Variants in MBOAT1 observed in about 807,000 individuals in gnomAD.
MBOAT1 encodes the protein membrane bound glycerophospholipid O-acyltransferase 1.
In MBOAT1, 67 loss-of-function variants were observed where a neutral mutation model predicts 64.4. The ratio of observed to expected loss-of-function variants is 1.04; its 90% CI spans 0.85 to 1.27. MBOAT1 has a LOEUF of 1.27. Ranked by LOEUF, MBOAT1 falls within the 50% of genes most tolerant of loss-of-function variation. The pLI is 0.00. For synonymous variants in MBOAT1, 229 were observed against 218.9 expected, an observed-to-expected ratio of 1.05 and a Z score of -0.41; for missense variants, 563 against 604.6, an observed-to-expected ratio of 0.93 and a Z score of 0.72.
At chr6:20,191,959 A>G (rs1536578) in intron 1 of MBOAT1, among the ~76,000 whole-genome samples, 72,539 of 151,994 alleles carry the variant, frequency 0.48, 18,836 homozygotes, top group Non-Finnish European at 0.57. Flanking sequence ...AGAGACAGAA[A>G]GAAGTTATGT....
At chr6:20,140,527 G>C (rs1478491788) in intron 4 of MBOAT1, among the ~76,000 whole-genome samples, 1 of 152,206 alleles carries the variant, frequency 6.6e-6, no homozygotes, top group African/African-American at 2.4e-5. Context: ...TAGAGGGCAA[G>C]AACAGAAAGG....
At chr6:20,182,556 G>T (rs1762540638) in intron 1 of MBOAT1, among the ~76,000 whole-genome samples, 1 of 152,124 alleles carries the variant, frequency 6.6e-6, no homozygotes. Context: ...CTGCCCAAGG[G>T]AAGGGAATGA....
chr6:20,103,263 T>C (rs1239156035), intron 12 of MBOAT1, among the ~76,000 whole-genome samples: 2 of 152,328 alleles, frequency 1.3e-5, no homozygotes, highest in Admixed American at 6.5e-5. Context: ...TTGATGATCC[T>C]GATCTTGTGT....
At chr6:20,211,998 AC>A (rs1763439784) in intron 1 of MBOAT1, 137 bp downstream of exon 1, 17 of 686,504 alleles carry the variant, frequency 2.5e-5, no homozygotes, top group Non-Finnish European at 3.7e-5. Context: ...ACACACACAC[AC>A]ACACAAAAAC....
intron 1 of MBOAT1, among the ~76,000 whole-genome samples, chr6:20,183,832 T>G (rs114033007): frequency 0.012 from 1,775 of 152,282 alleles, 35 homozygotes; most frequent in African/African-American, 0.039. Flanking sequence ...TGAATTGGAC[T>G]TACAGCTCCA....
In MBOAT1 at chr6:20,102,408, T is replaced by C. The variant is rs778756939; in HGVS notation, c.1366A>G (p.Met456Val). 1 of 1,602,996 alleles carries C rather than the reference T, an allele frequency of 6.2e-7. No homozygotes were observed. The highest frequency in any genetic ancestry group is 1.3e-5 in the African/African-American group (1 of 74,534). The change falls in exon 13 of 13, where the codon ATG becomes GTG. Residue 456 changes from methionine (M) to valine (V), a missense_variant. By Grantham distance (21) the Met-to-Val change is conservative (BLOSUM62 1). Coordinates refer to ENST00000324607, the MANE Select transcript of MBOAT1 (RefSeq NM_001080480.3). ...VEPTISLYKS[M>V]YFYLHIISLL... ...CTTATGATGTGCAAATAAAAGTACA[T>C]GGACCTGGGAATAAAAATATACAAA...
At chr6:20,135,222 A>T (rs1760950240) in intron 4 of MBOAT1, among the ~76,000 whole-genome samples, 1 of 152,110 alleles carries the variant, frequency 6.6e-6, no homozygotes, top group Non-Finnish European at 1.5e-5. Context: ...TTTCATTATT[A>T]AAAAAAGCCA....
At chr6:20,179,947 T>C (rs1581449465) in intron 1 of MBOAT1, among the ~76,000 whole-genome samples, 3 of 152,188 alleles carry the variant, frequency 2.0e-5, no homozygotes, top group Admixed American at 1.3e-4. Flanking sequence ...TTATTGACCA[T>C]ATAATAGAAG....
At position 20,212,144 on chromosome 6, in the gene MBOAT1, G is replaced by A. The variant is rs767840856; in HGVS notation, c.91C>T (p.Leu31=). 9.9e-6 allele frequency: 16 copies of A among 1,613,548 alleles called. 1 individual carries two copies. In the South Asian group the frequency reaches 1.8e-4, roughly 18 times the overall value. The change falls in exon 1 of 13, where the codon CTG becomes TTG. Residue 31 remains leucine, a synonymous_variant. Transcript: ENST00000324607. ...TCCCGGCCTGCAGTTACCTGGTCCAGCGGGATGCCCAGGAGCTCGCTGAGC... is the reference window on the plus strand; with the variant it reads ...TCCCGGCCTGCAGTTACCTGGTCCAACGGGATGCCCAGGAGCTCGCTGAGC... ...HPLSELLGIP[L]DQVNFVVCQL...
chr6:20,135,677 A>G (rs926057063), intron 4 of MBOAT1, among the ~76,000 whole-genome samples: 5 of 152,150 alleles, frequency 3.3e-5, no homozygotes, highest in African/African-American at 1.2e-4. Context: ...CAGCATCAAG[A>G]TGAACTGACA....
chr6:20,200,189 C>T (rs6907076), intron 1 of MBOAT1, among the ~76,000 whole-genome samples: 36,876 of 152,016 alleles, frequency 0.24, 5,501 homozygotes, highest in African/African-American at 0.42. Context: ...TGAAAGAAGA[C>T]AGAAGATTCC....
rs769236298 is a variant in MBOAT1, at chr6:20,109,629, A to G, written c.1330T>C (p.Leu444=). The change falls in exon 12 of 13, where the codon TTG becomes CTG. Residue 444 remains leucine, a synonymous_variant. Transcript: ENST00000324607. Reference sequence around the variant, plus strand: ...AAGCTGATGGTCGGTTCAACTGCCAACATCACAAAGGGTGCTACCGTGTAA... The same window carrying G: ...AAGCTGATGGTCGGTTCAACTGCCAGCATCACAAAGGGTGCTACCGTGTAA... ...VSYTVAPFVM[L]AVEPTISLYK... The G allele has an allele frequency of 6.2e-7, 1 of 1,613,884 alleles. No homozygotes were observed. The highest frequency in any genetic ancestry group is 1.1e-5 in the South Asian group (1 of 91,066).
At chr6:20,176,347 A>AGCTATTTAGAACTTC (rs1432502364) in intron 1 of MBOAT1, among the ~76,000 whole-genome samples, 1 of 152,030 alleles carries the variant, frequency 6.6e-6, no homozygotes, top group African/African-American at 2.4e-5. Context: ...GTCTGCAAAG[A>AGCTATTTAGAACTTC]GCTATTTAGA....
At position 20,102,325 on chromosome 6, in the gene MBOAT1, A is replaced by C; in HGVS notation, c.1449T>G (p.Pro483=). ...MKPQAHTQRR[P]QTLNSINKRK... is the part of the protein sequence containing the mutation. ...TCTTATTAATAGAGTTCAGAGTCTG[A>C]GGCCGCCTTTGCGTATGAGCTTGTG... The change falls in exon 13 of 13, where the codon CCT becomes CCG. Residue 483 remains proline (P), a synonymous_variant. Coordinates refer to ENST00000324607, the MANE Select transcript of MBOAT1 (RefSeq NM_001080480.3). 6.2e-7 allele frequency: 1 copy of C among 1,614,090 alleles called. No homozygotes were observed. The highest frequency in any genetic ancestry group is 8.5e-7 in the Non-Finnish European group (1 of 1,179,980).
intron 3 of MBOAT1, among the ~76,000 whole-genome samples, chr6:20,146,637 C>G (rs1581422212): frequency 6.6e-6 from 1 of 152,204 alleles, no homozygotes; most frequent in Non-Finnish European, 1.5e-5. Flanking sequence ...AAGATAGATT[C>G]TTCCAGAACC....
chr6:20,206,442 G>A (rs1763268767), intron 1 of MBOAT1, among the ~76,000 whole-genome samples: 1 of 152,180 alleles, frequency 6.6e-6, no homozygotes, highest in Admixed American at 6.5e-5. Flanking sequence ...CCAAAGTGCT[G>A]GGATTACAGG....
intron 1 of MBOAT1, among the ~76,000 whole-genome samples, chr6:20,157,903 C>T: frequency 6.6e-6 from 1 of 152,030 alleles, no homozygotes; most frequent in East Asian, 1.9e-4. Context: ...TGCCTGTAAT[C>T]CCAGAACTTT....
At chr6:20,152,344 A>AT (rs371964554) in intron 2 of MBOAT1, among the ~76,000 whole-genome samples, 15,136 of 66,818 alleles carry the variant, frequency 0.23, 832 homozygotes, top group East Asian at 0.43. Flanking sequence ...AAAAATAAAA[A>AT]ATAAATAAAT....
Position 20,187,984 on chromosome 6 carries a change from CA to C in MBOAT1, c.99+24151del, listed in dbSNP as rs200463684. ...TAAGTGACAGAGCAAGACCTTGTCT[CA>C]AAAAAAAAGAGAGAGAAGAACTGTA... On this transcript the variant is annotated intron_variant, in intron 1 of 12. Coordinates refer to ENST00000324607, the MANE Select transcript of MBOAT1 (RefSeq NM_001080480.3). Among the ~76,000 whole-genome samples, 320 of 150,174 alleles carry C rather than the reference CA, an allele frequency of 2.1e-3. 1 individual carries two copies. The highest frequency in any genetic ancestry group is 7.5e-3 in the African/African-American group (306 of 40,820).
Sources: allele counts gnomAD v4.1 joint callset (sites outside exome capture counted in the v4.1 genomes callset), GRCh38; gene constraint gnomAD v4.1.1; transcripts MANE v1.5; gene names NCBI Gene and HGNC (gene_info 2026-07-23, HGNC 2026-07-21).